ABHD16A: variants seen among roughly 807,000 people sequenced by gnomAD.
ABHD16A encodes the protein abhydrolase domain containing 16A, phospholipase.
Under a neutral mutation model 89.8 loss-of-function variants are expected in ABHD16A, and 47 were observed. The observed-to-expected ratio is 0.52, with a 90% CI of 0.41 to 0.67. ABHD16A has a LOEUF of 0.67. Among genes scored for constraint, ABHD16A ranks in the 30% least tolerant of loss-of-function variants. ABHD16A has a pLI of 0.00. For missense variants in ABHD16A, 580 were observed against 734.6 expected, an observed-to-expected ratio of 0.79 and a Z score of 2.43; for synonymous variants, 251 against 280.4, an observed-to-expected ratio of 0.90 and a Z score of 1.05.
In ABHD16A at chr6:31,698,251, G is replaced by GA. The variant is rs9281556; in HGVS notation, c.344-1219dup. On this transcript the variant is annotated intron_variant, in intron 4 of 19. Transcript: ENST00000395952. This position sits in a 1 kb window ranked among gnomAD's most constrained non-coding sequence, Gnocchi z 4.1. Reference sequence around the variant, plus strand: ...ATATGTTTCATAAAAGTATGTGCCAGAAAAAAAAAAAACCCACACCAAATG... The same window carrying GA: ...ATATGTTTCATAAAAGTATGTGCCAGAAAAAAAAAAAAACCCACACCAAATG... Among the ~76,000 whole-genome samples, 11,635 of 140,962 alleles carry GA rather than the reference G, an allele frequency of 0.083. 492 individuals are homozygous for GA. The highest frequency in any genetic ancestry group is 0.12 in the South Asian group (539 of 4,510). The allele number at this position is 140,962 out of a possible 152,430, so 92.5% of individuals were successfully genotyped here.
intron 1 of ABHD16A, chr6:31,702,772 G>A: frequency 1.3e-6 from 2 of 1,492,246 alleles, no homozygotes; most frequent in Non-Finnish European, 8.9e-7. Context: ...GAGGCATGAA[G>A]AGGCACTGAA....
chr6:31,692,658 A>C (rs1803999931), intron 7 of ABHD16A: 1 of 254,700 alleles, frequency 3.9e-6, no homozygotes, highest in Admixed American at 5.0e-5. Context: ...CCCGGAGCCA[A>C]GGTGGAATAA....
chr6:31,690,694 C>A lies in ABHD16A; in HGVS notation c.844-92G>T. ...GGAGGGCAGCCCATGAAGAGCTTTGCAGGGAAGAGGAAAGGGCAGGTTTCT... is the reference window on the plus strand; with the variant it reads ...GGAGGGCAGCCCATGAAGAGCTTTGAAGGGAAGAGGAAAGGGCAGGTTTCT... On this transcript the variant is annotated intron_variant, in intron 9 of 19. Transcript: ENST00000395952. The surrounding 1 kb of genome is among the most constrained non-coding windows in gnomAD (Gnocchi z 4.1). 1 of 1,165,636 alleles carries A rather than the reference C, an allele frequency of 8.6e-7. No individual in the cohort carries two copies. The highest frequency in any genetic ancestry group is 1.3e-6 in the Non-Finnish European group (1 of 776,946). 72.2% of individuals were successfully genotyped at this position (1,165,636 alleles called of 1,614,324 possible).
chr6:31,700,870 TG>T, intron 4 of ABHD16A, 71 bp downstream of exon 4: 1 of 1,324,228 alleles, frequency 7.6e-7, no homozygotes, highest in Non-Finnish European at 1.1e-6. Context: ...AAAATGTATT[TG>T]CACAAGGTAC....
At position 31,687,616 on chromosome 6, in the gene ABHD16A, T is replaced by C. The variant is rs753802464; in HGVS notation, c.1546+26A>G. 17 of 1,612,642 alleles carry C rather than the reference T, an allele frequency of 1.1e-5. No individual in the cohort carries two copies. Among genetic ancestry groups the C allele is most frequent in the Non-Finnish European group, 1.4e-5 (16 of 1,179,852 alleles). ...TCCCCTTCCTAGGCCCTTCCCACCC[T>C]CTCTCCTGCCCCAGGAGCTCCTTAC... is the stretch of plus-strand genomic sequence containing the variant. On this transcript the variant is annotated intron_variant, in intron 18 of 19. Transcript: ENST00000395952. This position sits in a 1 kb window ranked among gnomAD's most constrained non-coding sequence, Gnocchi z 6.3.
At position 31,688,421 on chromosome 6, in the gene ABHD16A, T is replaced by C. The variant is rs1803521071; in HGVS notation, c.1251-116A>G. 10 of 1,098,358 alleles carry C rather than the reference T, an allele frequency of 9.1e-6. No individual in the cohort carries two copies. The South Asian group carries it at 1.4e-4, about 15-fold the overall frequency. The allele number at this position is 1,098,358 out of a possible 1,614,324, so 68.0% of individuals were successfully genotyped here. A position where few individuals can be genotyped will look rare whatever the true frequency, so the allele number is the denominator to read the frequency against. On this transcript the variant is annotated intron_variant, in intron 14 of 19. Transcript: ENST00000395952. This position sits in a 1 kb window ranked among gnomAD's most constrained non-coding sequence, Gnocchi z 4.9. ...CCCTCCCCTTGCTATAGCACAGCCC[T>C]TGACCTAGCCCTTCACTCAGGGGTG...
Position 31,688,645 on chromosome 6 carries a change from A to T in ABHD16A, c.1250+78T>A. The T allele has an allele frequency of 6.6e-7, 1 of 1,509,634 alleles. No homozygotes were observed. Among genetic ancestry groups the T allele is most frequent in the Non-Finnish European group, 9.2e-7 (1 of 1,092,120 alleles). The allele number at this position is 1,509,634 out of a possible 1,614,324, so 93.5% of individuals were successfully genotyped here. A position where few individuals can be genotyped will look rare whatever the true frequency, so the allele number is the denominator to read the frequency against. On this transcript the variant is annotated intron_variant, in intron 14 of 19. Coordinates refer to ENST00000395952, the MANE Select transcript of ABHD16A (RefSeq NM_021160.3). This position sits in a 1 kb window ranked among gnomAD's most constrained non-coding sequence, Gnocchi z 4.9. ...GCCTTTTACCAACTTGCACTTTAGT[A>T]CTAGTTTCAGGGTTTGAGCGCCCAG...
chr6:31,691,436 C>T, intron 9 of ABHD16A, 143 bp downstream of exon 9: 1 of 691,838 alleles, frequency 1.4e-6, no homozygotes, highest in Non-Finnish European at 2.4e-6. Flanking sequence ...TTCACTACAT[C>T]ACAAGGTCTT....
chr6:31,696,863 C>G (rs1390943320), intron 5 of ABHD16A, 85 bp downstream of exon 5: 1 of 1,340,014 alleles, frequency 7.5e-7, no homozygotes, highest in Non-Finnish European at 1.1e-6. Context: ...CCTCTTCCTG[C>G]AGAAGCCAGT....
chr6:31,689,118 G>A lies in ABHD16A; in HGVS notation c.1083C>T (p.Ala361=). 1 of 1,613,388 alleles carries A rather than the reference G, an allele frequency of 6.2e-7. No homozygotes were observed. Among genetic ancestry groups the A allele is most frequent in the Non-Finnish European group, 8.5e-7 (1 of 1,179,590 alleles). The change falls in exon 13 of 20, where the codon GCC becomes GCT. Residue 361 remains alanine (A), a splice_region_variant and synonymous_variant. Transcript: ENST00000395952. ...CTGGGTAGGACATGGCTGCCCACGT[G>A]GCTGGTACCAGGGCAGGGAAGAAGA... The part of the protein sequence containing the change: ...IYAWSIGGFT[A]TWAAMSYPDV...
Position 31,688,493 on chromosome 6 carries a change from G to T in ABHD16A, c.1251-188C>A. 2 of 776,568 alleles carry T rather than the reference G, an allele frequency of 2.6e-6. No homozygotes were observed. The highest frequency in any genetic ancestry group is 4.1e-6 in the Non-Finnish European group (2 of 486,202). 48.1% of individuals were successfully genotyped at this position (776,568 alleles called of 1,614,324 possible). On this transcript the variant is annotated intron_variant, in intron 14 of 19. Transcript: ENST00000395952. The surrounding 1 kb of genome is among the most constrained non-coding windows in gnomAD (Gnocchi z 4.9). ...ATGGTTCAGTCTGGCCCTGCTGGGA[G>T]ACCCCTGCCGTGCCAGGCCTTAACC... is the stretch of plus-strand genomic sequence containing the variant.
chr6:31,691,677 T>G lies in ABHD16A; in HGVS notation c.745A>C (p.Asn249His). The G allele has an allele frequency of 6.5e-7, 1 of 1,543,558 alleles. No homozygotes were observed. Among genetic ancestry groups the G allele is most frequent in the Non-Finnish European group, 8.7e-7 (1 of 1,145,294 alleles). The change falls in exon 9 of 20, where the codon AAT (asparagine) becomes CAT (histidine). Residue 249 changes from asparagine (N) to histidine (H), a missense_variant. Physicochemically the swap from Asn to His is moderately conservative, Grantham distance 68. This residue lies in a region of ABHD16A where 415 missense variants were observed against 568.8 expected (regional missense o/e 0.73). Coordinates refer to ENST00000395952, the MANE Select transcript of ABHD16A (RefSeq NM_021160.3). Reference protein sequence around the residue: ...QGQARLVEECNGRRAKLLACD... With the variant: ...QGQARLVEECHGRRAKLLACD... ...GCCAGCAGCTTTGCCCGGCGCCCATTACACTGAGTACGGAAGACGCAATGG... is the reference window on the plus strand; with the variant it reads ...GCCAGCAGCTTTGCCCGGCGCCCATGACACTGAGTACGGAAGACGCAATGG...
intron 7 of ABHD16A, chr6:31,692,826 T>C (rs1330995294): frequency 8.1e-6 from 4 of 490,904 alleles, no homozygotes; most frequent in Non-Finnish European, 1.0e-5. Context: ...CTTACTACAT[T>C]TGAGACTCCA....
At chr6:31,691,734 A>AAAG in intron 8 of ABHD16A, 54 bp from the exon 9 acceptor site, 1 of 127,020 alleles carries the variant, frequency 7.9e-6, no homozygotes, top group Admixed American at 1.2e-4. Context: ...GCCACATCAC[A>AAAG]GGGGTGGGGC....
At chr6:31,695,744 C>A (rs1157374193) in intron 5 of ABHD16A, among the ~76,000 whole-genome samples, 1 of 147,182 alleles carries the variant, frequency 6.8e-6, no homozygotes, top group Admixed American at 6.7e-5. Context: ...AAAAGAAACA[C>A]TGTGGGCCAG....
Position 31,687,604 on chromosome 6 carries a change from C to A in ABHD16A, c.1546+38G>T. ...TCTGGGTATTCATCCCCTTCCTAGGCCCTTCCCACCCTCTCTCCTGCCCCA... is the reference window on the plus strand; with the variant it reads ...TCTGGGTATTCATCCCCTTCCTAGGACCTTCCCACCCTCTCTCCTGCCCCA... On this transcript the variant is annotated intron_variant, in intron 18 of 19. Coordinates refer to ENST00000395952, the MANE Select transcript of ABHD16A (RefSeq NM_021160.3). This position sits in a 1 kb window ranked among gnomAD's most constrained non-coding sequence, Gnocchi z 6.3. 1 of 1,612,984 alleles carries A rather than the reference C, an allele frequency of 6.2e-7. No individual in the cohort carries two copies.
At chr6:31,701,949 CT>C in intron 2 of ABHD16A, 124 bp downstream of exon 2, 1 of 1,001,400 alleles carries the variant, frequency 1.0e-6, no homozygotes, top group Non-Finnish European at 1.6e-6. Flanking sequence ...TTGGAGAGGT[CT>C]GCTGCAGAGC....
Position 31,698,295 on chromosome 6 carries a change from G to GA in ABHD16A, c.344-1263dup, listed in dbSNP as rs1009966782. 1.3e-5 allele frequency among the ~76,000 whole-genome samples: 2 copies of GA among 151,228 alleles called. No homozygotes were observed. The highest frequency in any genetic ancestry group is 2.9e-5 in the Non-Finnish European group (2 of 67,886). The stretch of plus-strand genomic sequence containing the variant: ...CCAAATGACAATTATTACTTCTGAG[G>GA]AAAGAGGAAGATGGGACTGAAAGGA... On this transcript the variant is annotated intron_variant, in intron 4 of 19. Transcript: ENST00000395952. The surrounding 1 kb of genome is among the most constrained non-coding windows in gnomAD (Gnocchi z 4.1).
At position 31,688,110 on chromosome 6, in the gene ABHD16A, G is replaced by A. The variant is rs368217181; in HGVS notation, c.1308-7C>T. 7.3e-5 allele frequency: 117 copies of A among 1,611,260 alleles called. No homozygotes were observed. The highest frequency in any genetic ancestry group is 5.0e-5 in the Admixed American group (3 of 59,836). ...CATGATGTCCTCAGGAACCCTGGGG[G>A]TGAGAAGAATGTACCCTGGAGGGGC... On this transcript the variant is annotated splice_polypyrimidine_tract_variant and splice_region_variant and intron_variant, in intron 15 of 19. Transcript: ENST00000395952. The surrounding 1 kb of genome is among the most constrained non-coding windows in gnomAD (Gnocchi z 4.9).
Sources: allele counts gnomAD v4.1 joint callset (sites outside exome capture counted in the v4.1 genomes callset), GRCh38; gene constraint gnomAD v4.1.1; regional missense constraint gnomAD v4.1.1; non-coding constraint Gnocchi (gnomAD v3.1); transcripts MANE v1.5; gene names NCBI Gene and HGNC (gene_info 2026-07-23, HGNC 2026-07-21).